Variants in RNF180 observed in about 807,000 individuals in gnomAD.
RNF180 encodes the protein ring finger protein 180, also known as E3 ubiquitin-protein ligase RNF180.
RNF180 carries 38 observed loss-of-function variants against 59.2 expected under a neutral mutation model. The ratio of observed to expected loss-of-function variants is 0.64; its 90% CI spans 0.50 to 0.84. The LOEUF (loss-of-function observed/expected upper bound fraction) is 0.84. RNF180 is among the 40% of genes least tolerant of loss of function. The probability of loss-of-function intolerance (pLI) is 0.00; values close to 1 mark genes in which losing one functional copy is unlikely to be tolerated. For missense variants in RNF180, 705 were observed against 700.9 expected (o/e 1.01, Z -0.07); for synonymous variants, 262 against 240.3 (o/e 1.09, Z -0.84).
intron 5 of RNF180, among the ~76,000 whole-genome samples, chr5:64,257,281 A>G (rs1276984416): frequency 2.0e-5 from 3 of 152,174 alleles, no homozygotes; most frequent in African/African-American, 7.2e-5. Flanking sequence ...GTCTTGTGCC[A>G]GTTTTCAAAG....
chr5:64,244,103 C>A (rs1742998738), intron 5 of RNF180, among the ~76,000 whole-genome samples: 1 of 152,068 alleles, frequency 6.6e-6, no homozygotes, highest in Non-Finnish European at 1.5e-5. Context: ...AACATCAAAA[C>A]CGAAGGTAGA....
At chr5:64,191,986 T>A (rs1751184369) in intron 1 of RNF180, among the ~76,000 whole-genome samples, 1 of 152,092 alleles carries the variant, frequency 6.6e-6, no homozygotes, top group South Asian at 2.1e-4. Context: ...AAGATAGGGG[T>A]CCAATTTTAT....
intron 2 of RNF180, among the ~76,000 whole-genome samples, chr5:64,206,294 A>G (rs1016112720): frequency 6.6e-6 from 1 of 152,188 alleles, no homozygotes; most frequent in African/African-American, 2.4e-5. Context: ...CACTTACAAT[A>G]AAACACTTTA....
chr5:64,169,987 G>A (rs960157147), intron 1 of RNF180, among the ~76,000 whole-genome samples: 1 of 152,244 alleles, frequency 6.6e-6, no homozygotes, highest in Non-Finnish European at 1.5e-5. Context: ...TAGGTAAGGA[G>A]TGAGCCAGTA....
At chr5:64,253,145 C>T (rs1303868310) in intron 5 of RNF180, among the ~76,000 whole-genome samples, 4 of 152,250 alleles carry the variant, frequency 2.6e-5, no homozygotes, top group East Asian at 1.9e-4. Context: ...AAACAAATTA[C>T]GTCCCCTTGC....
intron 7 of RNF180, among the ~76,000 whole-genome samples, chr5:64,366,720 C>T (rs1746463274): frequency 6.6e-6 from 1 of 151,532 alleles, no homozygotes; most frequent in South Asian, 2.1e-4. Flanking sequence ...TGAACAAAGC[C>T]TGTGTGACAT....
Position 64,292,818 on chromosome 5 carries a change from C to T in RNF180, c.1228-32368C>T, listed in dbSNP as rs145676304. Among the ~76,000 whole-genome samples the T allele has an allele frequency of 1.4e-3, 209 of 152,282 alleles. 2 individuals carry two copies. The highest frequency in any genetic ancestry group is 1.6e-4 in the Non-Finnish European group (11 of 68,028). On this transcript the variant is annotated intron_variant, in intron 5 of 7. Transcript: ENST00000389100. ...GATCAGAGTTCTGTCCATATAATCCCGGCTGGAGTTGCTGAAATTCCCACA... is the reference window on the plus strand; with the variant it reads ...GATCAGAGTTCTGTCCATATAATCCTGGCTGGAGTTGCTGAAATTCCCACA...
chr5:64,274,803 G>C (rs898241622), intron 5 of RNF180, among the ~76,000 whole-genome samples: 1 of 152,002 alleles, frequency 6.6e-6, no homozygotes, highest in South Asian at 2.1e-4. Context: ...ATAGAGTGTA[G>C]AATTTTGACT....
chr5:64,173,346 T>C (rs775128238), intron 1 of RNF180, among the ~76,000 whole-genome samples: 1 of 152,224 alleles, frequency 6.6e-6, no homozygotes, highest in Non-Finnish European at 1.5e-5. Flanking sequence ...TTATTTATAA[T>C]TGACACATTT....
intron 5 of RNF180, among the ~76,000 whole-genome samples, chr5:64,255,420 A>G (rs969002985): frequency 4.6e-5 from 7 of 152,012 alleles, no homozygotes; most frequent in East Asian, 1.9e-4. Flanking sequence ...TCATTGTTCA[A>G]TTCCCACCTA....
At chr5:64,291,510 C>T (rs552748073) in intron 5 of RNF180, among the ~76,000 whole-genome samples, 5 of 149,536 alleles carry the variant, frequency 3.3e-5, no homozygotes, top group African/African-American at 9.9e-5. Context: ...CTGCAAGCTC[C>T]GCCTGCCGGG....
intron 7 of RNF180, among the ~76,000 whole-genome samples, chr5:64,353,996 A>G (rs1745919961): frequency 6.6e-6 from 1 of 151,716 alleles, no homozygotes; most frequent in African/African-American, 2.4e-5. Context: ...AGGGAATTTT[A>G]TAGCAGTAAA....
chr5:64,199,949 C>T (rs1430282679), intron 1 of RNF180, among the ~76,000 whole-genome samples: 1 of 152,046 alleles, frequency 6.6e-6, no homozygotes, highest in African/African-American at 2.4e-5. Flanking sequence ...GTTAACTGTT[C>T]CAATAAGTAC....
intron 5 of RNF180, among the ~76,000 whole-genome samples, chr5:64,312,342 G>A (rs1743807951): frequency 6.6e-6 from 1 of 152,032 alleles, no homozygotes; most frequent in Non-Finnish European, 1.5e-5. Context: ...TGGTTTCTTA[G>A]CACCCTCTTA....
chr5:64,216,251 C>A (rs1752618119), intron 4 of RNF180, among the ~76,000 whole-genome samples: 1 of 152,012 alleles, frequency 6.6e-6, no homozygotes, highest in Non-Finnish European at 1.5e-5. Flanking sequence ...GCAGTTAGAA[C>A]CAGAATAATT....
At position 64,338,891 on chromosome 5, in the gene RNF180, A is replaced by G. The variant is rs553345808; in HGVS notation, c.1579+8485A>G. Among the ~76,000 whole-genome samples the G allele has an allele frequency of 4.5e-4, 69 of 152,194 alleles. 2 individuals carry two copies. The South Asian group carries it at 0.014, about 30-fold the overall frequency. ...ATTAATAGATTGTAATTGATGTTCT[A>G]ATGTTAGGACATTAGAACACTGCTA... On this transcript the variant is annotated intron_variant, in intron 7 of 7. Transcript: ENST00000389100.
chr5:64,168,216 G>C (rs550156883), intron 1 of RNF180, among the ~76,000 whole-genome samples: 48 of 152,188 alleles, frequency 3.2e-4, no homozygotes, highest in African/African-American at 1.1e-3. Context: ...TTCAGCTTGA[G>C]TACCTATTTT....
rs556110434 is a variant in RNF180 at position 64,232,297 on chromosome 5, G to T, written c.1227+14901G>T. On this transcript the variant is annotated intron_variant, in intron 5 of 7. Transcript: ENST00000389100. ...TGCAGTGGTTCTCAAATGTTCATCT[G>T]TGGACCAGCTGCATCAGAATCACTA... Among the ~76,000 whole-genome samples the T allele has an allele frequency of 4.6e-5, 7 of 152,294 alleles. No individual in the cohort carries two copies. In the South Asian group the frequency reaches 1.2e-3, roughly 27 times the overall value.
intron 1 of RNF180, among the ~76,000 whole-genome samples, chr5:64,170,815 G>A (rs187578886): frequency 6.6e-6 from 1 of 152,306 alleles, no homozygotes; most frequent in Non-Finnish European, 1.5e-5. Context: ...TGCTATGCCT[G>A]TAGTCAGGAG....
Sources: gnomAD v4.1 joint callset for allele counts (sites outside exome capture counted in the v4.1 genomes callset) on GRCh38, gnomAD v4.1.1 for gene constraint, MANE v1.5 for transcripts, NCBI Gene and HGNC (gene_info 2026-07-23, HGNC 2026-07-21) for gene names.